Variants in NSMCE4A observed in about 807,000 individuals in gnomAD.
The protein encoded by NSMCE4A is NSE4A component of SMC5/6 complex.
NSMCE4A carries 40 observed loss-of-function variants against 47.9 expected under a neutral mutation model. The observed-to-expected ratio is 0.83, with a 90% CI of 0.65 to 1.09. NSMCE4A has a LOEUF of 1.09. NSMCE4A is among the 50% of genes least tolerant of loss of function. The probability of loss-of-function intolerance (pLI) is 0.00; values close to 1 mark genes in which losing one functional copy is unlikely to be tolerated. For synonymous variants in NSMCE4A, 166 were observed against 178.5 expected (o/e 0.93, Z 0.56); for missense variants, 500 against 507.0 (o/e 0.99, Z 0.13).
At chr10:121,971,832 A>C (rs1952719731) in intron 2 of NSMCE4A, among the ~76,000 whole-genome samples, 1 of 152,190 alleles carries the variant, frequency 6.6e-6, no homozygotes, top group Admixed American at 6.5e-5. Flanking sequence ...TAAAGTTGCT[A>C]ACCAAAATCA....
chr10:121,969,552 C>G (rs894007124), intron 3 of NSMCE4A, among the ~76,000 whole-genome samples: 1 of 147,634 alleles, frequency 6.8e-6, no homozygotes, highest in African/African-American at 2.5e-5. Context: ...TGGAAATAAT[C>G]TGGTGCCTCA....
intron 2 of NSMCE4A, 24 bp downstream of exon 2, chr10:121,973,980 A>G (rs777025611): frequency 1.3e-6 from 2 of 1,496,526 alleles, no homozygotes; most frequent in East Asian, 4.7e-5. Context: ...AAAACACGAA[A>G]TAACATATAA....
intron 4 of NSMCE4A, 41 bp downstream of exon 4, chr10:121,967,614 T>C (rs749193162): frequency 4.7e-5 from 74 of 1,584,360 alleles, no homozygotes; most frequent in Non-Finnish European, 5.9e-5. Context: ...AATTTAAGGT[T>C]CACAAATAAC....
intron 4 of NSMCE4A, 33 bp from the exon 5 acceptor site, chr10:121,965,418 TG>T (rs1459542762): frequency 1.9e-6 from 3 of 1,551,188 alleles, no homozygotes; most frequent in African/African-American, 1.4e-5. Flanking sequence ...TTATTTTTTT[TG>T]CCTGTTGTTT....
chr10:121,964,143 C>CTTTT (rs1244382975), intron 5 of NSMCE4A, among the ~76,000 whole-genome samples: 1 of 127,502 alleles, frequency 7.8e-6, no homozygotes, highest in South Asian at 2.5e-4. Flanking sequence ...GTTTCAGTAA[C>CTTTT]TTTTTTTTTT....
intron 4 of NSMCE4A, chr10:121,966,135 C>T (rs141129234): frequency 2.6e-5 from 4 of 152,240 alleles, no homozygotes; most frequent in East Asian, 1.9e-4. Context: ...AGATCCTGGG[C>T]GCTTAGAGAG....
chr10:121,974,701 A>G (rs1952783727), intron 1 of NSMCE4A, 173 bp downstream of exon 1: 1 of 1,121,254 alleles, frequency 8.9e-7, no homozygotes, highest in Non-Finnish European at 1.1e-6. Flanking sequence ...ACAAAGTGGG[A>G]GCACTTTGTC....
In NSMCE4A at chr10:121,960,424, T is replaced by G; in HGVS notation, c.940-18A>C. The G allele has an allele frequency of 2.0e-6, 3 of 1,505,206 alleles. No individual in the cohort carries two copies. The highest frequency in any genetic ancestry group is 2.6e-6 in the Non-Finnish European group (3 of 1,139,796). The allele number at this position is 1,505,206 out of a possible 1,614,324, so 93.2% of individuals were successfully genotyped here. A position where few individuals can be genotyped will look rare whatever the true frequency, so the allele number is the denominator to read the frequency against. On this transcript the variant is annotated intron_variant, in intron 7 of 10. Transcript: ENST00000369023. The surrounding 1 kb of genome is among the most constrained non-coding windows in gnomAD (Gnocchi z 4.2). ...AAACCATCCTAAAACGAAAACATGA[T>G]TTTAGGAGAAGACAAACATTTAAGA...
At position 121,961,535 on chromosome 10, in the gene NSMCE4A, A is replaced by G. The variant is rs1258115446; in HGVS notation, c.845-18T>C. 2.0e-6 allele frequency: 3 copies of G among 1,505,714 alleles called. No individual in the cohort carries two copies. The highest frequency in any genetic ancestry group is 1.8e-6 in the Non-Finnish European group (2 of 1,125,632). 93.3% of individuals were successfully genotyped at this position (1,505,714 alleles called of 1,614,324 possible). A position where few individuals can be genotyped will look rare whatever the true frequency, so the allele number is the denominator to read the frequency against. ...GGTATCAGCTATAGACAAAAAGAGAAAAAAAAATTGATTTTTGCTTGTCAT... is the reference window on the plus strand; with the variant it reads ...GGTATCAGCTATAGACAAAAAGAGAGAAAAAAATTGATTTTTGCTTGTCAT... On this transcript the variant is annotated intron_variant, in intron 6 of 10. Coordinates refer to ENST00000369023, the MANE Select transcript of NSMCE4A (RefSeq NM_017615.3).
At position 121,974,894 on chromosome 10, in the gene NSMCE4A, G is replaced by C; in HGVS notation, c.272C>G (p.Ala91Gly). 6.6e-7 allele frequency: 1 copy of C among 1,517,134 alleles called. No individual in the cohort carries two copies. Among genetic ancestry groups the C allele is most frequent in the Non-Finnish European group, 8.8e-7 (1 of 1,134,940 alleles). The allele number at this position is 1,517,134 out of a possible 1,614,324, so 94.0% of individuals were successfully genotyped here. The change falls in exon 1 of 11, where the codon GCG (alanine) becomes GGG (glycine). Residue 91 changes from alanine (A) to glycine (G), a missense_variant. Physicochemically the swap from Ala to Gly is moderately conservative, Grantham distance 60. Coordinates refer to ENST00000369023, the MANE Select transcript of NSMCE4A (RefSeq NM_017615.3). ...LCRQIRHQYRALINSVQQNRE... is the reference protein window; with the variant it reads ...LCRQIRHQYRGLINSVQQNRE... The stretch of plus-strand genomic sequence containing the variant: ...CTTACGTTGGACGGAGTTGATGAGC[G>C]CCCGGTACTGATGGCGGATCTGGCG...
rs1952472382 is a variant in NSMCE4A at position 121,960,165 on chromosome 10, CAAT to C, written c.988+190_988+192del. On this transcript the variant is annotated intron_variant, in intron 8 of 10. Transcript: ENST00000369023. The surrounding 1 kb of genome is among the most constrained non-coding windows in gnomAD (Gnocchi z 4.2). ...TTAATATTTACAGCAGATGTTGAAT[CAAT>C]GATATAGATGAATCCATCAAAATTT... 2 of 409,244 alleles carry C rather than the reference CAAT, an allele frequency of 4.9e-6. No individual in the cohort carries two copies. The highest frequency in any genetic ancestry group is 4.3e-6 in the Non-Finnish European group (1 of 230,310). 25.4% of individuals were successfully genotyped at this position (409,244 alleles called of 1,614,324 possible). A position where few individuals can be genotyped will look rare whatever the true frequency, so the allele number is the denominator to read the frequency against.
chr10:121,964,012 C>T (rs1007769013), intron 5 of NSMCE4A, among the ~76,000 whole-genome samples: 1 of 150,260 alleles, frequency 6.7e-6, no homozygotes, highest in East Asian at 2.0e-4. Context: ...AGGAGAATGG[C>T]TTGAACCCAG....
intron 4 of NSMCE4A, chr10:121,966,522 A>G (rs1000478740): frequency 6.6e-6 from 1 of 152,224 alleles, no homozygotes; most frequent in Non-Finnish European, 1.5e-5. Flanking sequence ...ATCCTATTAA[A>G]TAGAACATAC....
rs200107646 is a variant in NSMCE4A at position 121,959,641 on chromosome 10, C to T, written c.989-46G>A. ...TCAAATTTATCAAAGGTTATTAAAT[C>T]GGAACAGGTAATCTAAACGGAAACT... On this transcript the variant is annotated intron_variant, in intron 8 of 10. Coordinates refer to ENST00000369023, the MANE Select transcript of NSMCE4A (RefSeq NM_017615.3). 4.6e-5 allele frequency: 61 copies of T among 1,321,834 alleles called. No individual in the cohort carries two copies. In the East Asian group the frequency reaches 9.2e-4, roughly 20 times the overall value. The allele number at this position is 1,321,834 out of a possible 1,614,324, so 81.9% of individuals were successfully genotyped here.
chr10:121,974,681 G>T, intron 1 of NSMCE4A, 193 bp downstream of exon 1: 1 of 1,105,956 alleles, frequency 9.0e-7, no homozygotes, highest in Non-Finnish European at 1.1e-6. Flanking sequence ...AAGGTCGTAC[G>T]GCTCCAGCCA....
chr10:121,958,341 G>A (rs1451351704), intron 10 of NSMCE4A, among the ~76,000 whole-genome samples: 5 of 152,116 alleles, frequency 3.3e-5, no homozygotes, highest in Non-Finnish European at 7.4e-5. Context: ...TAGGTCTTCT[G>A]ATTCCCACCC....
chr10:121,962,554 G>T (rs932003931), intron 6 of NSMCE4A, among the ~76,000 whole-genome samples: 1 of 152,054 alleles, frequency 6.6e-6, no homozygotes, highest in Non-Finnish European at 1.5e-5. Flanking sequence ...ATGTCCACAT[G>T]GAAAAGTCAC....
intron 6 of NSMCE4A, among the ~76,000 whole-genome samples, chr10:121,962,812 A>C (rs558244850): frequency 6.6e-6 from 1 of 151,946 alleles, no homozygotes; most frequent in African/African-American, 2.4e-5. Context: ...AGGTTTCTCC[A>C]TGTTGGTCAG....
intron 2 of NSMCE4A, 72 bp downstream of exon 2, chr10:121,973,929 CAAT>C: frequency 9.9e-7 from 1 of 1,008,250 alleles, no homozygotes; most frequent in African/African-American, 1.6e-5. Context: ...TGTTTTATGT[CAAT>C]AATTTGGCGC....
Sources: allele counts gnomAD v4.1 joint callset (sites outside exome capture counted in the v4.1 genomes callset), GRCh38; gene constraint gnomAD v4.1.1; non-coding constraint Gnocchi (gnomAD v3.1); transcripts MANE v1.5; gene names NCBI Gene and HGNC (gene_info 2026-07-23, HGNC 2026-07-21).